NRF1: variants seen among roughly 807,000 people sequenced by gnomAD.
NRF1 encodes alpha palindromic-binding protein.
NRF1 carries 5 observed loss-of-function variants against 58.5 expected under a neutral mutation model. The ratio of observed to expected loss-of-function variants is 0.09; its 90% CI spans 0.04 to 0.18. NRF1 has a LOEUF of 0.18. Among genes scored for constraint, NRF1 ranks in the 10% least tolerant of loss-of-function variants. The probability of loss-of-function intolerance (pLI) is 1.00; values close to 1 mark genes in which losing one functional copy is unlikely to be tolerated. For missense variants in NRF1, 288 were observed against 657.7 expected (o/e 0.44, Z 6.15); for synonymous variants, 224 against 246.7 (o/e 0.91, Z 0.86).
intron 1 of NRF1, among the ~76,000 whole-genome samples, chr7:129,644,461 T>C (rs1206479176): frequency 6.6e-6 from 1 of 152,242 alleles, no homozygotes; most frequent in East Asian, 1.9e-4. Context: ...TGATAGATAA[T>C]GGCCTGTGAT....
At chr7:129,649,423 T>G (rs921502871) in intron 1 of NRF1, among the ~76,000 whole-genome samples, 6 of 152,232 alleles carry the variant, frequency 3.9e-5, no homozygotes, top group African/African-American at 1.4e-4. Context: ...ACTAATGCTT[T>G]CTTTTACATT....
At chr7:129,706,589 T>C (rs1202382220) in intron 5 of NRF1, among the ~76,000 whole-genome samples, 1 of 152,134 alleles carries the variant, frequency 6.6e-6, no homozygotes, top group Non-Finnish European at 1.5e-5. Context: ...GATAAAAAAG[T>C]TGAGAAGACA....
chr7:129,696,084 A>AAAAAAAAAC lies in NRF1; in HGVS notation c.606+5540_606+5541insAAAAAACAA, dbSNP rs757035741. Among the ~76,000 whole-genome samples, 4 of 110,936 alleles carry AAAAAAAAAC rather than the reference A, an allele frequency of 3.6e-5. 1 individual carries two copies. The highest frequency in any genetic ancestry group is 9.5e-5 in the Admixed American group (1 of 10,558). The allele number at this position is 110,936 out of a possible 152,430, so 72.8% of individuals were successfully genotyped here. On this transcript the variant is annotated intron_variant, in intron 5 of 10. Transcript: ENST00000393232. The stretch of plus-strand genomic sequence containing the variant: ...CTAAAAAAAAAAAAAAAAAAAAAAA[A>AAAAAAAAAC]AACAACCAAATTAGCCGGGCTTAGT...
chr7:129,714,828 T>C (rs1803151115), intron 8 of NRF1, among the ~76,000 whole-genome samples: 1 of 152,146 alleles, frequency 6.6e-6, no homozygotes, highest in Non-Finnish European at 1.5e-5. Context: ...GCATTTAAAA[T>C]ATCTACCTCC....
chr7:129,678,306 A>C (rs942524902), intron 4 of NRF1, among the ~76,000 whole-genome samples: 13 of 152,228 alleles, frequency 8.5e-5, no homozygotes, highest in Admixed American at 6.5e-4. Context: ...CTTATACAAT[A>C]GGAACTATTC....
intron 10 of NRF1, among the ~76,000 whole-genome samples, chr7:129,749,533 T>C (rs1334651166): frequency 1.3e-5 from 2 of 152,174 alleles, no homozygotes; most frequent in Non-Finnish European, 1.5e-5. Context: ...CAACTGCTGC[T>C]TGACGAGGAA....
chr7:129,726,888 T>G (rs1319553199), intron 9 of NRF1, among the ~76,000 whole-genome samples: 1 of 152,186 alleles, frequency 6.6e-6, no homozygotes, highest in African/African-American at 2.4e-5. Flanking sequence ...GGCTTTTGCA[T>G]TGTGAATATG....
intron 4 of NRF1, among the ~76,000 whole-genome samples, chr7:129,680,241 T>G (rs751233712): frequency 6.6e-6 from 1 of 152,130 alleles, no homozygotes; most frequent in African/African-American, 2.4e-5. Flanking sequence ...TCCCTAATGC[T>G]GATGATTAAT....
Position 129,717,363 on chromosome 7 carries a change from A to G in NRF1, c.1210A>G (p.Met404Val). The G allele has an allele frequency of 3.7e-6, 6 of 1,611,186 alleles. No individual in the cohort carries two copies. The highest frequency in any genetic ancestry group is 5.1e-6 in the Non-Finnish European group (6 of 1,178,996). The change falls in exon 9 of 11, where the codon ATG becomes GTG. Residue 404 changes from methionine to valine, a missense_variant. By Grantham distance (21) the Met-to-Val change is conservative. Around this residue, in one of 3 missense-constraint regions of NRF1, gnomAD observed 212 missense variants for 559.7 expected, o/e 0.38. Transcript: ENST00000393232. ...QEMQQGATVTMALNSEAAAHA... is the reference protein window; with the variant it reads ...QEMQQGATVTVALNSEAAAHA... ...GATGCAGCAGGGAGCTACAGTCACT[A>G]TGGCGCTTAACAGGTGGTGGCAAGA...
intron 2 of NRF1, among the ~76,000 whole-genome samples, chr7:129,658,866 TACA>T (rs767613334): frequency 1.3e-5 from 2 of 152,176 alleles, no homozygotes; most frequent in East Asian, 3.9e-4. Context: ...AAAAGGCCAA[TACA>T]ACAACTATTT....
intron 1 of NRF1, among the ~76,000 whole-genome samples, chr7:129,612,628 C>T (rs947552085): frequency 3.3e-5 from 5 of 152,146 alleles, no homozygotes; most frequent in African/African-American, 1.2e-4. Flanking sequence ...GGTGGTGGTC[C>T]CCTGGGTGAG....
At chr7:129,661,304 C>T (rs978449372) in intron 2 of NRF1, among the ~76,000 whole-genome samples, 6 of 151,398 alleles carry the variant, frequency 4.0e-5, no homozygotes, top group Non-Finnish European at 7.3e-5. Flanking sequence ...GATTAACATT[C>T]GTCTCCTTGT....
chr7:129,752,581 G>A (rs916400669), intron 10 of NRF1, among the ~76,000 whole-genome samples: 4 of 152,204 alleles, frequency 2.6e-5, no homozygotes, highest in African/African-American at 9.6e-5. Context: ...GCTGGGTGTG[G>A]TAGCTCATGC....
chr7:129,721,883 G>T (rs1803335721), intron 9 of NRF1, among the ~76,000 whole-genome samples: 1 of 152,098 alleles, frequency 6.6e-6, no homozygotes, highest in African/African-American at 2.4e-5. Context: ...CAATAAAATG[G>T]GATGGAAAAC....
chr7:129,724,503 C>T (rs1375237407), intron 9 of NRF1, among the ~76,000 whole-genome samples: 2 of 152,128 alleles, frequency 1.3e-5, no homozygotes, highest in Non-Finnish European at 2.9e-5. Flanking sequence ...ATGGGACTAC[C>T]GTATGTTGCA....
chr7:129,731,471 T>C (rs1803577449), intron 10 of NRF1, among the ~76,000 whole-genome samples: 1 of 152,198 alleles, frequency 6.6e-6, no homozygotes, highest in South Asian at 2.1e-4. Context: ...TCTCTGTCTT[T>C]TTCAATAGAG....
chr7:129,670,335 A>G (rs371332251), intron 2 of NRF1, among the ~76,000 whole-genome samples: 3 of 152,242 alleles, frequency 2.0e-5, no homozygotes, highest in Non-Finnish European at 4.4e-5. Context: ...TCTTACCACA[A>G]TTTTGAAAAA....
At chr7:129,695,813 A>G (rs1323112251) in intron 5 of NRF1, among the ~76,000 whole-genome samples, 1 of 151,552 alleles carries the variant, frequency 6.6e-6, no homozygotes, top group Admixed American at 6.6e-5. Context: ...AATTATCTAC[A>G]CATGGTGGCA....
At chr7:129,745,506 A>AC (rs35406699) in intron 10 of NRF1, among the ~76,000 whole-genome samples, 42,472 of 112,596 alleles carry the variant, frequency 0.38, 7,305 homozygotes, top group Non-Finnish European at 0.48. Context: ...ATCCCCCTCA[A>AC]CCCCCCCCCC....
Sources: gnomAD v4.1 joint callset for allele counts (sites outside exome capture counted in the v4.1 genomes callset) on GRCh38, gnomAD v4.1.1 for gene constraint, gnomAD v4.1.1 regional missense constraint, MANE v1.5 for transcripts, NCBI Gene and HGNC (gene_info 2026-07-23, HGNC 2026-07-21) for gene names.